Variants in ANKRD6 observed in about 807,000 individuals in gnomAD.
The protein encoded by ANKRD6 is ankyrin repeat domain 6.
In ANKRD6, 56 loss-of-function variants were observed where a neutral mutation model predicts 82.3. The observed-to-expected ratio is 0.68, with a 90% confidence interval of 0.55 to 0.85. The LOEUF is 0.85. Among genes scored for constraint, ANKRD6 ranks in the 40% least tolerant of loss-of-function variants. The probability of loss-of-function intolerance (pLI) is 0.00; values close to 1 mark genes in which losing one functional copy is unlikely to be tolerated. For synonymous variants in ANKRD6, 347 were observed against 352.1 expected, an observed-to-expected ratio of 0.99 and a Z score of 0.16; for missense variants, 852 against 907.6, an observed-to-expected ratio of 0.94 and a Z score of 0.79.
intron 1 of ANKRD6, among the ~76,000 whole-genome samples, chr6:89,481,391 A>G: frequency 6.6e-6 from 1 of 152,112 alleles, no homozygotes; most frequent in East Asian, 1.9e-4. Flanking sequence ...CTTATTGGAG[A>G]ATTGTAGATT....
In ANKRD6 at chr6:89,632,223, A is replaced by T. The variant is rs1807537914; in HGVS notation, c.*1219A>T. ...ACGTAATTGTAATAAAATGCTGCTC[A>T]TTGAGCCAAAGAGAAGAAATGATTT... On this transcript the variant is annotated 3_prime_UTR_variant, in exon 16 of 16. Coordinates refer to ENST00000339746, the MANE Select transcript of ANKRD6 (RefSeq NM_001242809.2). 1 of 152,376 alleles carries T rather than the reference A, an allele frequency of 6.6e-6. No homozygotes were observed. The highest frequency in any genetic ancestry group is 2.1e-4 in the South Asian group (1 of 4,832). The allele number at this position is 152,376 out of a possible 1,614,324, so 9.4% of individuals were successfully genotyped here.
chr6:89,556,577 T>C (rs907885167), intron 1 of ANKRD6, among the ~76,000 whole-genome samples: 2 of 152,242 alleles, frequency 1.3e-5, no homozygotes, highest in Non-Finnish European at 2.9e-5. Flanking sequence ...TTTCTAAGTT[T>C]AGATAATCAC....
At chr6:89,578,598 A>AT (rs1407541187) in intron 2 of ANKRD6, among the ~76,000 whole-genome samples, 4 of 152,006 alleles carry the variant, frequency 2.6e-5, no homozygotes, top group East Asian at 1.9e-4. Context: ...ATCCAGCCTG[A>AT]TTTTTTTCAT....
intron 1 of ANKRD6, among the ~76,000 whole-genome samples, chr6:89,514,868 T>G (rs934637804): frequency 4.6e-5 from 7 of 152,180 alleles, no homozygotes; most frequent in Non-Finnish European, 1.0e-4. Flanking sequence ...ACCATGGTGT[T>G]TCCAGTCTTT....
At position 89,601,446 on chromosome 6, in the gene ANKRD6, G is replaced by T. The variant is rs574179801; in HGVS notation, c.220-1583G>T. On this transcript the variant is annotated intron_variant, in intron 3 of 15. Transcript: ENST00000339746. ...GTCCTGTTACTGGGGTATTGTTTCT[G>T]CTCAGACTTCTAATAAGTAGCGGTT... 6.6e-5 allele frequency among the ~76,000 whole-genome samples: 10 copies of T among 152,182 alleles called. No individual in the cohort carries two copies. In the South Asian group the frequency reaches 2.1e-3, roughly 32 times the overall value.
At chr6:89,568,122 T>C (rs1788960868) in intron 2 of ANKRD6, 1 of 152,250 alleles carries the variant, frequency 6.6e-6, no homozygotes, top group African/African-American at 2.4e-5. Context: ...TTGGATTGTT[T>C]GGAACTGAAG....
At chr6:89,558,335 A>C (rs1174091853) in intron 1 of ANKRD6, among the ~76,000 whole-genome samples, 2 of 152,224 alleles carry the variant, frequency 1.3e-5, no homozygotes, top group African/African-American at 4.8e-5. Context: ...TCAGTAGATG[A>C]ATAGAAAAGC....
intron 2 of ANKRD6, among the ~76,000 whole-genome samples, chr6:89,576,199 C>T (rs546628862): frequency 6.6e-6 from 1 of 152,140 alleles, no homozygotes; most frequent in South Asian, 2.1e-4. Flanking sequence ...CTACAGGCGC[C>T]TGCCACCACG....
At chr6:89,562,467 C>G (rs1787579590) in intron 1 of ANKRD6, 1 of 152,248 alleles carries the variant, frequency 6.6e-6, no homozygotes. Flanking sequence ...GCACACTCAT[C>G]TTTTCTTGCA....
chr6:89,554,509 G>C (rs1422463758), intron 1 of ANKRD6, among the ~76,000 whole-genome samples: 2 of 151,686 alleles, frequency 1.3e-5, no homozygotes, highest in Non-Finnish European at 2.9e-5. Context: ...ATATCTTTTG[G>C]GGACCCACCA....
At chr6:89,541,062 T>C (rs1784393565) in intron 1 of ANKRD6, among the ~76,000 whole-genome samples, 1 of 152,198 alleles carries the variant, frequency 6.6e-6, no homozygotes, top group Non-Finnish European at 1.5e-5. Context: ...GGTAATGTGA[T>C]TCCTCCAGTT....
intron 2 of ANKRD6, among the ~76,000 whole-genome samples, chr6:89,573,694 A>G (rs928607716): frequency 7.9e-5 from 12 of 152,208 alleles, no homozygotes; most frequent in African/African-American, 2.4e-4. Context: ...TGCTTACGGG[A>G]CAATTTGGTA....
At chr6:89,460,655 C>T (rs1023959081) in intron 1 of ANKRD6, among the ~76,000 whole-genome samples, 12 of 151,842 alleles carry the variant, frequency 7.9e-5, no homozygotes, top group African/African-American at 2.2e-4. Flanking sequence ...AGGCTGGTCT[C>T]GAACTCCTGA....
chr6:89,480,235 T>G (rs1338422632), intron 1 of ANKRD6, among the ~76,000 whole-genome samples: 2 of 152,234 alleles, frequency 1.3e-5, no homozygotes, highest in Non-Finnish European at 2.9e-5. Context: ...ATTTCTGTTC[T>G]ATTTTGTGTG....
At chr6:89,518,162 G>A (rs1781448954) in intron 1 of ANKRD6, among the ~76,000 whole-genome samples, 1 of 152,160 alleles carries the variant, frequency 6.6e-6, no homozygotes, top group African/African-American at 2.4e-5. Flanking sequence ...TAGCACTTTG[G>A]GAGGCCGAGG....
intron 1 of ANKRD6, among the ~76,000 whole-genome samples, chr6:89,493,751 T>A (rs930288866): frequency 6.6e-6 from 1 of 152,134 alleles, no homozygotes; most frequent in Non-Finnish European, 1.5e-5. Flanking sequence ...TGACTGCATT[T>A]AGGGCCCACT....
intron 1 of ANKRD6, among the ~76,000 whole-genome samples, chr6:89,456,893 T>C (rs1325656356): frequency 6.6e-6 from 1 of 152,200 alleles, no homozygotes; most frequent in Non-Finnish European, 1.5e-5. Context: ...GCAACAATGA[T>C]TTATTGTATC....
intron 3 of ANKRD6, among the ~76,000 whole-genome samples, chr6:89,600,437 A>G (rs551368602): frequency 3.0e-4 from 45 of 152,328 alleles, no homozygotes; most frequent in Middle Eastern, 3.4e-3. Context: ...CTTGTTGCTC[A>G]TACTTCATGA....
intron 1 of ANKRD6, among the ~76,000 whole-genome samples, chr6:89,566,561 C>G (rs1788579318): frequency 6.6e-6 from 1 of 152,202 alleles, no homozygotes; most frequent in Non-Finnish European, 1.5e-5. Context: ...GGGAGAAAAA[C>G]AGAGCAAACC....
Sources: gnomAD v4.1 joint callset for allele counts (sites outside exome capture counted in the v4.1 genomes callset) on GRCh38, gnomAD v4.1.1 for gene constraint, MANE v1.5 for transcripts, NCBI Gene and HGNC (gene_info 2026-07-23, HGNC 2026-07-21) for gene names.